Variants in ZC3H12B observed in about 807,000 individuals in gnomAD.
ZC3H12B encodes the protein probable ribonuclease ZC3H12B.
Under a neutral mutation model 43.9 loss-of-function variants are expected in ZC3H12B, and 7 were observed. The observed-to-expected ratio is 0.16, with a 90% CI of 0.09 to 0.30. The LOEUF is 0.30. Ranked by LOEUF, ZC3H12B falls within the 10% of genes least tolerant of loss-of-function variation. The probability of loss-of-function intolerance (pLI) is 1.00; values close to 1 mark genes in which losing one functional copy is unlikely to be tolerated. For missense variants in ZC3H12B, 475 were observed against 670.2 expected (o/e 0.71, Z 3.22); for synonymous variants, 222 against 241.7 (o/e 0.92, Z 0.76).
At chrX:65,093,186 G>A in the ZC3H12B span, among the ~76,000 whole-genome samples, 1 of 111,526 alleles carries the variant, frequency 9.0e-6, no homozygotes, top group Non-Finnish European at 1.9e-5. Context: ...CCGAGTTGAG[G>A]CTTGGAAGCC....
At chrX:65,076,282 A>T in the ZC3H12B span, among the ~76,000 whole-genome samples, 1 of 109,710 alleles carries the variant, frequency 9.1e-6, no homozygotes, top group East Asian at 2.9e-4. Context: ...GACTACAGGC[A>T]TGTGCCACCA....
the ZC3H12B span, among the ~76,000 whole-genome samples, chrX:65,247,749 G>A: frequency 2.7e-5 from 3 of 111,721 alleles, no homozygotes; most frequent in Non-Finnish European, 3.8e-5. Context: ...GAGAGAGCGA[G>A]CGAGCATCAG....
the ZC3H12B span, among the ~76,000 whole-genome samples, chrX:65,094,556 G>A: frequency 4.5e-5 from 5 of 111,330 alleles, no homozygotes; most frequent in East Asian, 1.4e-3. Flanking sequence ...TTATGATTTG[G>A]ATTTTTAAAA....
At chrX:65,086,720 G>T in the ZC3H12B span, among the ~76,000 whole-genome samples, 13 of 112,208 alleles carry the variant, frequency 1.2e-4, no homozygotes, top group Non-Finnish European at 1.1e-4. Context: ...GAATTTGTGG[G>T]TGCCTTGATC....
the ZC3H12B span, among the ~76,000 whole-genome samples, chrX:65,250,232 C>T: frequency 5.4e-5 from 6 of 111,169 alleles, no homozygotes; most frequent in Non-Finnish European, 1.1e-4. Flanking sequence ...TGATGGTTTC[C>T]AGCTTCATCC....
At chrX:65,213,024 T>C in the ZC3H12B span, among the ~76,000 whole-genome samples, 1 of 109,068 alleles carries the variant, frequency 9.2e-6, no homozygotes, top group East Asian at 2.8e-4. Context: ...TTCACTTCTT[T>C]ATTTTTTATC....
chrX:65,289,726 T>C, the ZC3H12B span, among the ~76,000 whole-genome samples: 1 of 110,157 alleles, frequency 9.1e-6, no homozygotes, highest in Non-Finnish European at 1.9e-5. Context: ...GACAAGAATT[T>C]GCATTAGGGA....
chrX:65,481,144 A>G (rs1028001031), intron 3 of ZC3H12B, among the ~76,000 whole-genome samples: 9 of 110,974 alleles, frequency 8.1e-5, no homozygotes, highest in Admixed American at 1.9e-4. Flanking sequence ...GCCCTTTCAT[A>G]TGCGATACCA....
the ZC3H12B span, among the ~76,000 whole-genome samples, chrX:65,193,802 C>T: frequency 9.0e-6 from 1 of 111,490 alleles, no homozygotes; most frequent in East Asian, 2.8e-4. Context: ...TTCTCTATAT[C>T]TCATTGTATT....
intron 3 of ZC3H12B, among the ~76,000 whole-genome samples, chrX:65,455,227 G>GA (rs1415249718): frequency 9.0e-6 from 1 of 111,610 alleles, no homozygotes; most frequent in Non-Finnish European, 1.9e-5. Flanking sequence ...TAAAAACCTT[G>GA]AAAAAAGATT....
At chrX:65,121,169 T>G in the ZC3H12B span, among the ~76,000 whole-genome samples, 2 of 111,725 alleles carry the variant, frequency 1.8e-5, no homozygotes, top group African/African-American at 3.3e-5. Context: ...CCTCATAAAA[T>G]GAGTTAGGGA....
the ZC3H12B span, among the ~76,000 whole-genome samples, chrX:65,296,855 A>T: frequency 2.8e-4 from 31 of 111,744 alleles, no homozygotes; most frequent in African/African-American, 1.0e-3. Context: ...TTTAACATAT[A>T]CAGGTCAATA....
At chrX:65,232,007 G>A in the ZC3H12B span, among the ~76,000 whole-genome samples, 46 of 109,946 alleles carry the variant, frequency 4.2e-4, 1 homozygote, top group South Asian at 0.011. Flanking sequence ...AGGCTGAGGC[G>A]GGCAGAACAC....
At chrX:65,223,686 GA>G in the ZC3H12B span, among the ~76,000 whole-genome samples, 1 of 112,217 alleles carries the variant, frequency 8.9e-6, no homozygotes, top group Non-Finnish European at 1.9e-5. Context: ...TTCAAAAGAA[GA>G]TATAGAAATG....
At chrX:65,352,083 A>G in the ZC3H12B span, among the ~76,000 whole-genome samples, 6 of 112,440 alleles carry the variant, frequency 5.3e-5, no homozygotes, top group Non-Finnish European at 1.1e-4. Flanking sequence ...TCCATCAATA[A>G]TAGACTGGAT....
chrX:65,322,046 A>G, the ZC3H12B span, among the ~76,000 whole-genome samples: 2 of 111,540 alleles, frequency 1.8e-5, no homozygotes, highest in African/African-American at 6.5e-5. Flanking sequence ...CCTAAAATAA[A>G]ATCAAAAACA....
intron 3 of ZC3H12B, among the ~76,000 whole-genome samples, chrX:65,416,138 A>AT (rs2066957508): frequency 8.9e-6 from 1 of 112,153 alleles, no homozygotes; most frequent in Non-Finnish European, 1.9e-5. Flanking sequence ...TCTATTATAT[A>AT]AGATACGATC....
intron 3 of ZC3H12B, among the ~76,000 whole-genome samples, chrX:65,476,008 T>C (rs2067987402): frequency 8.9e-6 from 1 of 112,445 alleles, no homozygotes; most frequent in Admixed American, 9.4e-5. Flanking sequence ...AGGAATCCAC[T>C]ACATGTCAAG....
intron 2 of ZC3H12B, among the ~76,000 whole-genome samples, chrX:65,388,141 G>A (rs969581919): frequency 9.0e-6 from 1 of 111,406 alleles, no homozygotes; most frequent in South Asian, 3.8e-4. Context: ...TTCTCGAGGA[G>A]TATCTTTGTG....
Sources: allele counts gnomAD v4.1 joint callset (sites outside exome capture counted in the v4.1 genomes callset), GRCh38; gene constraint gnomAD v4.1.1; transcripts MANE v1.5; gene names NCBI Gene and HGNC (gene_info 2026-07-23, HGNC 2026-07-21).